The following PSMD5 variants were observed in gnomAD, a reference collection of about 807,000 sequenced individuals.
PSMD5 encodes the protein proteasome 26S subunit, non-ATPase 5, also known as 26S proteasome non-ATPase regulatory subunit 5.
Under a neutral mutation model 52.1 loss-of-function variants are expected in PSMD5, and 40 were observed. The ratio of observed to expected loss-of-function variants is 0.77; its 90% CI spans 0.60 to 1.00. The LOEUF (loss-of-function observed/expected upper bound fraction) is 1.00, where lower values mean the gene tolerates loss of function less well. Ranked by LOEUF, PSMD5 falls within the 50% of genes least tolerant of loss-of-function variation. PSMD5 has a pLI of 0.00. For synonymous variants in PSMD5, 211 were observed against 226.6 expected (o/e 0.93, Z 0.62); for missense variants, 575 against 605.2 (o/e 0.95, Z 0.52).
In PSMD5 at chr9:120,817,794, C is replaced by A; in HGVS notation, c.*112G>T. ...TGGTAACAAAGTAACATCTGACATT[C>A]CATGATAATTCTTGGGGAAAGGAAG... On this transcript the variant is annotated 3_prime_UTR_variant, in exon 10 of 10. Coordinates refer to ENST00000210313, the MANE Select transcript of PSMD5 (RefSeq NM_005047.4). The A allele has an allele frequency of 8.3e-7, 1 of 1,207,242 alleles. No individual in the cohort carries two copies. The highest frequency in any genetic ancestry group is 1.5e-5 in the South Asian group (1 of 65,882). 74.8% of individuals were successfully genotyped at this position (1,207,242 alleles called of 1,614,324 possible). A position where few individuals can be genotyped will look rare whatever the true frequency, so the allele number is the denominator to read the frequency against.
At chr9:120,835,838 T>TA (rs201378313) in intron 1 of PSMD5, among the ~76,000 whole-genome samples, 22 of 144,474 alleles carry the variant, frequency 1.5e-4, no homozygotes, top group South Asian at 1.5e-3. Context: ...CTTTTCCTTT[T>TA]AAAAAAAAAA....
At position 120,824,409 on chromosome 9, in the gene PSMD5, T is replaced by C. The variant is rs745660870; in HGVS notation, c.1006+85A>G. On this transcript the variant is annotated intron_variant, in intron 7 of 9. Coordinates refer to ENST00000210313, the MANE Select transcript of PSMD5 (RefSeq NM_005047.4). ...CACCCATAAAATAGTTTCTACAATG[T>C]AGTTAACCCACCAGCAAATGAACTT... is the stretch of plus-strand genomic sequence containing the variant. 7.5e-6 allele frequency: 10 copies of C among 1,325,814 alleles called. No homozygotes were observed. In the Admixed American group the frequency reaches 1.7e-4, roughly 22 times the overall value. The allele number at this position is 1,325,814 out of a possible 1,614,324, so 82.1% of individuals were successfully genotyped here. A position where few individuals can be genotyped will look rare whatever the true frequency, so the allele number is the denominator to read the frequency against.
intron 8 of PSMD5, among the ~76,000 whole-genome samples, 157 bp downstream of exon 8, chr9:120,821,198 A>G (rs1221535261): frequency 6.6e-6 from 1 of 152,188 alleles, no homozygotes; most frequent in Non-Finnish European, 1.5e-5. Context: ...CTTCAGTTCT[A>G]ACACTCTATG....
In PSMD5 at chr9:120,816,078, T is replaced by G. The variant is rs1456204163; in HGVS notation, c.*1828A>C. The G allele has an allele frequency of 1.2e-5, 2 of 160,856 alleles. No individual in the cohort carries two copies. Among genetic ancestry groups the G allele is most frequent in the Non-Finnish European group, 2.6e-5 (2 of 75,490 alleles). 10.0% of individuals were successfully genotyped at this position (160,856 alleles called of 1,614,324 possible). A position where few individuals can be genotyped will look rare whatever the true frequency, so the allele number is the denominator to read the frequency against. On this transcript the variant is annotated 3_prime_UTR_variant, in exon 10 of 10. Transcript: ENST00000210313. ...TTTACTTATGAAATGAAAATAATGATTTACAAATTTTATTCAATCTAAAAA... is the reference window on the plus strand; with the variant it reads ...TTTACTTATGAAATGAAAATAATGAGTTACAAATTTTATTCAATCTAAAAA...
At chr9:120,826,744 A>C in intron 6 of PSMD5, 21 bp downstream of exon 6, 1 of 1,610,374 alleles carries the variant, frequency 6.2e-7, no homozygotes, top group Admixed American at 1.7e-5. Flanking sequence ...CATCATTTCC[A>C]TAGGCATCAG....
intron 4 of PSMD5, among the ~76,000 whole-genome samples, chr9:120,830,827 A>G (rs2045154401): frequency 6.6e-6 from 1 of 152,074 alleles, no homozygotes; most frequent in African/African-American, 2.4e-5. Context: ...TTACTACTAC[A>G]AATTTTTTCA....
At chr9:120,820,732 T>C in intron 9 of PSMD5, 107 bp downstream of exon 9, 2 of 1,118,710 alleles carry the variant, frequency 1.8e-6, no homozygotes, top group South Asian at 2.2e-5. Flanking sequence ...GAAACTATAC[T>C]ATGCACTTGT....
intron 1 of PSMD5, among the ~76,000 whole-genome samples, chr9:120,834,830 T>C (rs1228270162): frequency 6.6e-6 from 1 of 152,068 alleles, no homozygotes; most frequent in Non-Finnish European, 1.5e-5. Context: ...CAGTAAATGG[T>C]GAGAGGTGAT....
intron 4 of PSMD5, 63 bp downstream of exon 4, chr9:120,831,268 T>A: frequency 6.7e-7 from 1 of 1,489,936 alleles, no homozygotes; most frequent in Non-Finnish European, 8.9e-7. Context: ...CCATCTTGCT[T>A]TTCAGCATAA....
At chr9:120,819,614 C>T (rs1161198893) in intron 9 of PSMD5, among the ~76,000 whole-genome samples, 1 of 152,208 alleles carries the variant, frequency 6.6e-6, no homozygotes, top group South Asian at 2.1e-4. Context: ...GCGGGCGGAT[C>T]ACAAGGTCAG....
chr9:120,833,020 T>C (rs1047477298), intron 2 of PSMD5, among the ~76,000 whole-genome samples: 1 of 152,242 alleles, frequency 6.6e-6, no homozygotes, highest in African/African-American at 2.4e-5. Flanking sequence ...TCTAACAGCA[T>C]ATGGCACCAT....
intron 1 of PSMD5, among the ~76,000 whole-genome samples, chr9:120,840,642 C>T (rs1354149954): frequency 2.3e-5 from 3 of 130,402 alleles, no homozygotes; most frequent in Admixed American, 8.3e-5. Context: ...TTTTTTGAGA[C>T]GGAATCTCAC....
chr9:120,818,273 C>T, intron 9 of PSMD5, 110 bp from the exon 10 acceptor site: 1 of 1,122,462 alleles, frequency 8.9e-7, no homozygotes. Flanking sequence ...AAAAATGTTA[C>T]CTTTTGTCTA....
At chr9:120,837,749 C>T (rs992000752) in intron 1 of PSMD5, among the ~76,000 whole-genome samples, 18 of 152,192 alleles carry the variant, frequency 1.2e-4, no homozygotes, top group African/African-American at 3.9e-4. Context: ...TCATTCCTAG[C>T]TATTTACTCA....
rs2045083383 is a variant in PSMD5, at chr9:120,821,405, C to T, written c.1066G>A (p.Glu356Lys). The change falls in exon 8 of 10, where the codon GAG (glutamate) becomes AAG (lysine). Residue 356 changes from glutamate (E) to lysine (K), a missense_variant. Glu to Lys is a moderately conservative substitution (Grantham distance 56, BLOSUM62 1). Transcript: ENST00000210313. ...GCATCCAAACATCTAATTTTTAGCT[C>T]CACTGGGGCATTCTTTGATTGATGT... The part of the protein sequence containing the change: ...IGHQSKNAPV[E>K]LKIRCLDAIS... 6.2e-7 allele frequency: 1 copy of T among 1,609,102 alleles called. No homozygotes were observed. Among genetic ancestry groups the T allele is most frequent in the Admixed American group, 1.7e-5 (1 of 59,132 alleles).
Position 120,816,122 on chromosome 9 carries a change from A to G in PSMD5, c.*1784T>C, listed in dbSNP as rs188582222. On this transcript the variant is annotated 3_prime_UTR_variant, in exon 10 of 10. Coordinates refer to ENST00000210313, the MANE Select transcript of PSMD5 (RefSeq NM_005047.4). ...CTAAAAAAAAAATCAGAATGTGTAG[A>G]CCATACATAGGAGAGAGGGCATCCC... 1.3e-5 allele frequency: 2 copies of G among 155,834 alleles called. No individual in the cohort carries two copies. Among genetic ancestry groups the G allele is most frequent in the East Asian group, 3.8e-4 (2 of 5,240 alleles). The allele number at this position is 155,834 out of a possible 1,614,324, so 9.7% of individuals were successfully genotyped here. A position where few individuals can be genotyped will look rare whatever the true frequency, so the allele number is the denominator to read the frequency against.
Position 120,817,805 on chromosome 9 carries a change from CT to C in PSMD5, c.*100del, listed in dbSNP as rs1401910392. On this transcript the variant is annotated 3_prime_UTR_variant, in exon 10 of 10. Coordinates refer to ENST00000210313, the MANE Select transcript of PSMD5 (RefSeq NM_005047.4). ...TAACATCTGACATTCCATGATAATT[CT>C]TGGGGAAAGGAAGTCTCTTTTGTGA... 1.6e-6 allele frequency: 2 copies of C among 1,281,822 alleles called. No individual in the cohort carries two copies. Among genetic ancestry groups the C allele is most frequent in the Non-Finnish European group, 2.2e-6 (2 of 925,498 alleles). 79.4% of individuals were successfully genotyped at this position (1,281,822 alleles called of 1,614,324 possible).
At chr9:120,828,737 T>A (rs2045140521) in intron 5 of PSMD5, among the ~76,000 whole-genome samples, 1 of 152,340 alleles carries the variant, frequency 6.6e-6, no homozygotes, top group African/African-American at 2.4e-5. Flanking sequence ...AGCCCATGTT[T>A]TTTCTATCAT....
intron 7 of PSMD5, among the ~76,000 whole-genome samples, chr9:120,823,360 C>T (rs1403603652): frequency 6.6e-6 from 1 of 150,764 alleles, no homozygotes; most frequent in Non-Finnish European, 1.5e-5. Context: ...AGGCATGCAC[C>T]ACCACGCTTG....
Sources: gnomAD v4.1 joint callset for allele counts (sites outside exome capture counted in the v4.1 genomes callset) on GRCh38, gnomAD v4.1.1 for gene constraint, MANE v1.5 for transcripts, NCBI Gene and HGNC (gene_info 2026-07-23, HGNC 2026-07-21) for gene names.